The following DCDC1 variants were observed in gnomAD, a reference collection of about 807,000 sequenced individuals.
DCDC1 encodes the protein doublecortin domain-containing protein 1.
In DCDC1, 200 loss-of-function variants were observed where a neutral mutation model predicts 178.3. The ratio of observed to expected loss-of-function variants is 1.12; its 90% CI spans 1.00 to 1.26. DCDC1 has a LOEUF of 1.26. DCDC1 is among the 50% of genes most tolerant of loss of function. DCDC1 has a pLI of 0.00. For missense variants in DCDC1, 1,983 were observed against 1,749.2 expected, an observed-to-expected ratio of 1.13 and a Z score of -2.38; for synonymous variants, 690 against 604.8, an observed-to-expected ratio of 1.14 and a Z score of -2.07.
intron 20 of DCDC1, among the ~76,000 whole-genome samples, chr11:30,989,587 C>T (rs1160047366): frequency 2.0e-5 from 3 of 152,188 alleles, no homozygotes; most frequent in Admixed American, 2.0e-4. Context: ...GGCTTTTTCT[C>T]TCTTCTGTGC....
chr11:31,067,980 A>C (rs1409387381), intron 18 of DCDC1, among the ~76,000 whole-genome samples: 1 of 152,174 alleles, frequency 6.6e-6, no homozygotes, highest in Non-Finnish European at 1.5e-5. Flanking sequence ...ACTGAAAAAC[A>C]TTAAACACCT....
intron 20 of DCDC1, among the ~76,000 whole-genome samples, chr11:30,998,504 G>A (rs1386278498): frequency 6.6e-6 from 1 of 150,864 alleles, no homozygotes; most frequent in East Asian, 1.9e-4. Flanking sequence ...ATAAGTAAAT[G>A]AGGAAGAATG....
intron 18 of DCDC1, among the ~76,000 whole-genome samples, chr11:31,069,407 T>C (rs1405557715): frequency 6.6e-6 from 1 of 152,212 alleles, no homozygotes; most frequent in Non-Finnish European, 1.5e-5. Context: ...CAGTTCTTAT[T>C]GTCTTAGGTA....
intron 9 of DCDC1, among the ~76,000 whole-genome samples, chr11:31,184,257 C>T (rs1004823012): frequency 6.6e-6 from 1 of 152,104 alleles, no homozygotes; most frequent in East Asian, 1.9e-4. Flanking sequence ...GAAACTGGAC[C>T]GCTTCTTTAC....
At chr11:31,286,443 C>T (rs1242661040) in intron 7 of DCDC1, among the ~76,000 whole-genome samples, 1 of 151,342 alleles carries the variant, frequency 6.6e-6, no homozygotes, top group African/African-American at 2.4e-5. Flanking sequence ...CTGCATAAAC[C>T]CCAAGAAATT....
At chr11:31,066,581 A>G (rs1956264861) in intron 18 of DCDC1, among the ~76,000 whole-genome samples, 1 of 152,200 alleles carries the variant, frequency 6.6e-6, no homozygotes, top group Non-Finnish European at 1.5e-5. Context: ...TAACTTTGTT[A>G]GAAGATGTAA....
chr11:31,249,481 A>G (rs1010175184), intron 8 of DCDC1, among the ~76,000 whole-genome samples: 9 of 152,164 alleles, frequency 5.9e-5, no homozygotes, highest in African/African-American at 2.2e-4. Flanking sequence ...TTTTGACATA[A>G]GCAACAAGGG....
chr11:30,905,778 C>T (rs1407888872), intron 30 of DCDC1, among the ~76,000 whole-genome samples: 8 of 152,190 alleles, frequency 5.3e-5, no homozygotes, highest in Admixed American at 1.3e-4. Flanking sequence ...TTTCAGGTTT[C>T]CCAGAGGACT....
At position 31,265,596 on chromosome 11, in the gene DCDC1, A is replaced by C; in HGVS notation, c.965T>G (p.Leu322Ter). Residue 322 changes from leucine to a stop codon, truncating the protein, a stop_gained, in exon 8 of 39, where the codon TTA becomes TGA. Transcript: ENST00000684477. LOFTEE classifies it high-confidence loss of function. The part of the protein sequence containing the change: ...TVGKETMKKV[L>*]DTCTIRMNLN... ...ATTCATTCTTATTGTACAAGTATCT[A>C]AAACCTGTGCAGGAAAAAAAAATTA... The C allele has an allele frequency of 7.3e-7, 1 of 1,376,260 alleles. No homozygotes were observed. Among genetic ancestry groups the C allele is most frequent in the East Asian group, 2.8e-5 (1 of 36,198 alleles). The allele number at this position is 1,376,260 out of a possible 1,614,324, so 85.3% of individuals were successfully genotyped here.
At chr11:31,181,201 G>C (rs888516568) in intron 9 of DCDC1, among the ~76,000 whole-genome samples, 1 of 152,202 alleles carries the variant, frequency 6.6e-6, no homozygotes, top group African/African-American at 2.4e-5. Flanking sequence ...CTGAAAGAAA[G>C]GCAGCAGCTC....
intron 17 of DCDC1, among the ~76,000 whole-genome samples, chr11:31,081,194 C>T (rs1397546813): frequency 1.3e-5 from 2 of 152,086 alleles, no homozygotes; most frequent in African/African-American, 4.8e-5. Context: ...AATGTTACTA[C>T]CCTAAAAATT....
chr11:31,063,691 C>A (rs536971253), intron 20 of DCDC1, among the ~76,000 whole-genome samples: 6 of 151,846 alleles, frequency 4.0e-5, no homozygotes, highest in African/African-American at 1.4e-4. Context: ...GCAGCCTGGG[C>A]AATATAGCTA....
At chr11:31,007,874 G>T (rs1439784717) in intron 20 of DCDC1, among the ~76,000 whole-genome samples, 1 of 151,994 alleles carries the variant, frequency 6.6e-6, no homozygotes, top group African/African-American at 2.4e-5. Flanking sequence ...TGTTGCCCAG[G>T]CTGGTCTTGA....
At position 30,916,914 on chromosome 11, in the gene DCDC1, C is replaced by T. The variant is rs755765472; in HGVS notation, c.3408G>A (p.Thr1136=). ...CCACATTTTCAAAGAGCCCTTTTTC[C>T]GTTTTCTTTGGAAGACTGTCATCCT... ...FDEDDSLPKK[T]EKGLFENVEP... Residue 1136 remains threonine (T), a synonymous_variant, in exon 26 of 39, where the codon ACG becomes ACA. Transcript: ENST00000684477. 11 of 1,607,270 alleles carry T rather than the reference C, an allele frequency of 6.8e-6. No individual in the cohort carries two copies. Among genetic ancestry groups the T allele is most frequent in the Middle Eastern group, 1.6e-4 (1 of 6,070 alleles).
intron 21 of DCDC1, chr11:30,944,364 T>C (rs1453466742): frequency 4.4e-6 from 2 of 456,000 alleles, no homozygotes; most frequent in South Asian, 3.1e-5. Flanking sequence ...ACATAATGGT[T>C]AGATAAATAG....
chr11:31,139,937 G>C (rs1377111451), intron 9 of DCDC1, among the ~76,000 whole-genome samples: 1 of 152,224 alleles, frequency 6.6e-6, no homozygotes, highest in East Asian at 1.9e-4. Flanking sequence ...TACACACATG[G>C]GTCCTTTTCT....
chr11:31,294,869 A>AG (rs1324621786), intron 6 of DCDC1, among the ~76,000 whole-genome samples: 19 of 150,428 alleles, frequency 1.3e-4, no homozygotes, highest in African/African-American at 2.4e-4. Context: ...AAAGAAAGAA[A>AG]AAGAAAACAG....
In DCDC1 at chr11:31,262,816, G is replaced by A. The variant is rs1944883952; in HGVS notation, c.1054+2691C>T. On this transcript the variant is annotated intron_variant, in intron 8 of 38. Transcript: ENST00000684477. ...AAACCTAATGTTAAGTGACTAGGGT[G>A]CTACAGACTGGAAGTTCCTCCAACA... is the stretch of plus-strand genomic sequence containing the variant. The A allele has an allele frequency of 1.7e-5, 7 of 400,876 alleles. No individual in the cohort carries two copies. In the South Asian group the frequency reaches 6.3e-4, roughly 36 times the overall value. The allele number at this position is 400,876 out of a possible 1,614,324, so 24.8% of individuals were successfully genotyped here.
At chr11:31,071,279 CATT>C (rs1218085029) in intron 18 of DCDC1, among the ~76,000 whole-genome samples, 1 of 152,158 alleles carries the variant, frequency 6.6e-6, no homozygotes, top group Non-Finnish European at 1.5e-5. Context: ...CATACAATCT[CATT>C]GTTGATTTCT....
Sources: gnomAD v4.1 joint callset for allele counts (sites outside exome capture counted in the v4.1 genomes callset) on GRCh38, gnomAD v4.1.1 for gene constraint, MANE v1.5 for transcripts, NCBI Gene and HGNC (gene_info 2026-07-23, HGNC 2026-07-21) for gene names.